Variants in UTP15 observed in about 807,000 individuals in gnomAD.
UTP15 encodes U3 small nucleolar RNA-associated protein 15 homolog.
Under a neutral mutation model 59.1 loss-of-function variants are expected in UTP15, and 5 were observed. That is an observed-to-expected ratio of 0.08 (90% CI 0.04 to 0.18). The LOEUF (loss-of-function observed/expected upper bound fraction) is 0.18, where lower values mean the gene tolerates loss of function less well. Among genes scored for constraint, UTP15 ranks in the 10% least tolerant of loss-of-function variants. UTP15 has a pLI of 1.00. For missense variants in UTP15, 494 were observed against 616.7 expected, an observed-to-expected ratio of 0.80 and a Z score of 2.11; for synonymous variants, 211 against 212.2, an observed-to-expected ratio of 0.99 and a Z score of 0.05.
chr5:73,567,413 A>G lies in UTP15; in HGVS notation c.69A>G (p.Thr23=), dbSNP rs757142757. 3.1e-6 allele frequency: 5 copies of G among 1,609,012 alleles called. No individual in the cohort carries two copies. In the South Asian group the frequency reaches 3.3e-5, roughly 11 times the overall value. The change falls in exon 2 of 13, where the codon ACA becomes ACG. Residue 23 remains threonine (T), a synonymous_variant. Coordinates refer to ENST00000296792, the MANE Select transcript of UTP15 (RefSeq NM_032175.4). ...TTGGTGAAAAAATCACCCAAGATAC[A>G]CTGTACTGGAACAACTATAAGGTGA... The part of the protein sequence containing the change: ...PILGEKITQD[T]LYWNNYKTPV...
At chr5:73,568,199 G>T in intron 2 of UTP15, 36 bp from the exon 3 acceptor site, 1 of 1,503,420 alleles carries the variant, frequency 6.7e-7, no homozygotes, top group South Asian at 1.2e-5. Context: ...TCTTACCAGT[G>T]GTAACTCTGT....
intron 9 of UTP15, chr5:73,578,457 C>T (rs1325631563): frequency 1.2e-5 from 4 of 333,282 alleles, no homozygotes; most frequent in Non-Finnish European, 2.2e-5. Flanking sequence ...CTGCCTGCCA[C>T]ATAAAGAGAA....
intron 8 of UTP15, 131 bp from the exon 9 acceptor site, chr5:73,577,723 CTA>C (rs111787930): frequency 1.7e-4 from 121 of 727,490 alleles, no homozygotes; most frequent in East Asian, 6.7e-4. Flanking sequence ...GTTAGGCAGA[CTA>C]TGTGTATTTG....
In UTP15 at chr5:73,577,968, G is replaced by T; in HGVS notation, c.1007G>T (p.Arg336Leu). ...SLPRRRRPAY[R>L]TFIKGKNYMK... ...CCCAGAAGAAGAAGGCCTGCATATC[G>T]AACCTTTATTAAAGGAAAAAATTAC... Residue 336 changes from arginine (R) to leucine (L), a missense_variant, in exon 9 of 13, where the codon CGA (arginine) becomes CTA (leucine). Physicochemically the swap from Arg to Leu is moderately radical, Grantham distance 102. Coordinates refer to ENST00000296792, the MANE Select transcript of UTP15 (RefSeq NM_032175.4). 2 of 1,580,680 alleles carry T rather than the reference G, an allele frequency of 1.3e-6. No individual in the cohort carries two copies. Among genetic ancestry groups the T allele is most frequent in the Non-Finnish European group, 1.7e-6 (2 of 1,170,868 alleles).
chr5:73,570,836 T>C, intron 6 of UTP15, 125 bp downstream of exon 6: 1 of 1,344,950 alleles, frequency 7.4e-7, no homozygotes, highest in Non-Finnish European at 1.0e-6. Context: ...GTTCAAACAG[T>C]TGATAGGTAG....
intron 7 of UTP15, 97 bp downstream of exon 7, chr5:73,572,721 A>G (rs1220634): frequency 0.28 from 350,587 of 1,252,408 alleles, 52,496 homozygotes; most frequent in African/African-American, 0.56. Flanking sequence ...ATAAGTATAC[A>G]GATAATGATT....
chr5:73,572,989 A>C (rs1025616733), intron 7 of UTP15, among the ~76,000 whole-genome samples: 4 of 151,780 alleles, frequency 2.6e-5, no homozygotes, highest in African/African-American at 7.3e-5. Context: ...GTAGAGACGG[A>C]GTTTCACCAT....
intron 2 of UTP15, 171 bp downstream of exon 2, chr5:73,567,605 A>G: frequency 4.2e-6 from 2 of 475,926 alleles, no homozygotes; most frequent in Non-Finnish European, 7.5e-6. Flanking sequence ...ATTTTATGTA[A>G]AAGTCCATAC....
rs773848487 is a variant in UTP15, at chr5:73,570,659, G to C, written c.621G>C (p.Gln207His). Residue 207 changes from glutamine (Q) to histidine (H), a missense_variant, in exon 6 of 13, where the codon CAG becomes CAC. By Grantham distance (24) the Gln-to-His change is conservative. Coordinates refer to ENST00000296792, the MANE Select transcript of UTP15 (RefSeq NM_032175.4). Reference protein sequence around the residue: ...SESVLSVEHGQPVESVLLFPS... With the variant: ...SESVLSVEHGHPVESVLLFPS... ...GTGTTCTCTCCGTTGAGCATGGGCA[G>C]CCAGTGGAGAGTGTCCTACTTTTCC... 2.5e-6 allele frequency: 4 copies of C among 1,614,070 alleles called. No homozygotes were observed. Among genetic ancestry groups the C allele is most frequent in the Admixed American group, 1.7e-5 (1 of 60,010 alleles).
chr5:73,574,054 G>T (rs1200249689), intron 7 of UTP15, among the ~76,000 whole-genome samples: 1 of 152,020 alleles, frequency 6.6e-6, no homozygotes, highest in East Asian at 1.9e-4. Flanking sequence ...TTGGTACAGT[G>T]GCTTACACCT....
chr5:73,578,744 A>G lies in UTP15; in HGVS notation c.1045-7A>G. The stretch of plus-strand genomic sequence containing the variant: ...TTCCTTCTCTATAAATGTACTTTTC[A>G]TTGCAGGATGACATTTTGATTAACA... On this transcript the variant is annotated splice_region_variant and splice_polypyrimidine_tract_variant and intron_variant, in intron 9 of 12. Coordinates refer to ENST00000296792, the MANE Select transcript of UTP15 (RefSeq NM_032175.4). 1.2e-6 allele frequency: 2 copies of G among 1,612,270 alleles called. No homozygotes were observed. Among genetic ancestry groups the G allele is most frequent in the Non-Finnish European group, 8.5e-7 (1 of 1,178,442 alleles).
At position 73,579,224 on chromosome 5, in the gene UTP15, T is replaced by A. The variant is rs1580396445; in HGVS notation, c.1280+74T>A. On this transcript the variant is annotated intron_variant, in intron 11 of 12. Transcript: ENST00000296792. ...TATCACCAAATAAAAGACATTTAGT[T>A]TGATCTTTGTAGAGAACTGATGAAA... The A allele has an allele frequency of 1.7e-5, 28 of 1,605,286 alleles. No homozygotes were observed. The East Asian group carries it at 6.0e-4, about 35-fold the overall frequency.
At chr5:73,577,063 CTGTCACT>C (rs150564208) in intron 8 of UTP15, 27 bp downstream of exon 8, 37,323 of 1,508,076 alleles carry the variant, frequency 0.025, 568 homozygotes, top group Middle Eastern at 0.036. Context: ...ATTTTTAAGT[CTGTCACT>C]AACCCTGCCT....
At chr5:73,573,880 TTAGA>T (rs1245537016) in intron 7 of UTP15, among the ~76,000 whole-genome samples, 2 of 152,028 alleles carry the variant, frequency 1.3e-5, no homozygotes, top group Non-Finnish European at 2.9e-5. Flanking sequence ...GACCTAAAAG[TTAGA>T]TAGCACATTT....
In UTP15 at chr5:73,577,016, A is replaced by G; in HGVS notation, c.874A>G (p.Ile292Val). 1 of 1,611,514 alleles carries G rather than the reference A, an allele frequency of 6.2e-7. No individual in the cohort carries two copies. The highest frequency in any genetic ancestry group is 8.5e-7 in the Non-Finnish European group (1 of 1,179,288). The part of the protein sequence containing the change: ...VVHSFDYAAS[I>V]LSLALAHEDE... ...CCACAGTTTTGATTATGCAGCTTCAATTTTGAGTCTTGCCCTTGCAGTAAG... is the reference window on the plus strand; with the variant it reads ...CCACAGTTTTGATTATGCAGCTTCAGTTTTGAGTCTTGCCCTTGCAGTAAG... The change falls in exon 8 of 13, where the codon ATT (isoleucine) becomes GTT (valine). Residue 292 changes from isoleucine (I) to valine (V), a missense_variant. Coordinates refer to ENST00000296792, the MANE Select transcript of UTP15 (RefSeq NM_032175.4).
intron 7 of UTP15, among the ~76,000 whole-genome samples, chr5:73,573,905 A>G (rs1748013640): frequency 1.3e-5 from 2 of 152,016 alleles, no homozygotes; most frequent in African/African-American, 2.4e-5. Flanking sequence ...TATTTAGCCT[A>G]ATATCTAATG....
intron 7 of UTP15, among the ~76,000 whole-genome samples, chr5:73,575,199 A>G (rs1194362036): frequency 6.6e-6 from 1 of 152,218 alleles, no homozygotes; most frequent in Non-Finnish European, 1.5e-5. Flanking sequence ...GGAATTTTTT[A>G]TGTAAATACA....
chr5:73,575,141 G>C (rs1038462100), intron 7 of UTP15, among the ~76,000 whole-genome samples: 5 of 152,150 alleles, frequency 3.3e-5, no homozygotes, highest in African/African-American at 1.2e-4. Flanking sequence ...GCCATAAGAA[G>C]GATTGACTGT....
In UTP15 at chr5:73,574,184, C is replaced by A. The variant is rs558778769; in HGVS notation, c.809+1560C>A. Among the ~76,000 whole-genome samples the A allele has an allele frequency of 2.4e-3, 361 of 151,664 alleles. 1 individual carries two copies. Among genetic ancestry groups the A allele is most frequent in the African/African-American group, 8.5e-3 (354 of 41,406 alleles). ...CAAAAAATTAAAAAAATTAGCTGGC[C>A]ACAGTGGTACACACCTTTAATCATA... On this transcript the variant is annotated intron_variant, in intron 7 of 12. Coordinates refer to ENST00000296792, the MANE Select transcript of UTP15 (RefSeq NM_032175.4).
Sources: allele counts gnomAD v4.1 joint callset (sites outside exome capture counted in the v4.1 genomes callset), GRCh38; gene constraint gnomAD v4.1.1; transcripts MANE v1.5; gene names NCBI Gene and HGNC (gene_info 2026-07-23, HGNC 2026-07-21).